The following ACOT11 variants were observed in gnomAD, a reference collection of about 807,000 sequenced individuals.
The protein encoded by ACOT11 is acyl-coenzyme A thioesterase 11.
A neutral mutation model predicts 77.5 loss-of-function variants in ACOT11; 69 were observed. The observed-to-expected ratio is 0.89, with a 90% CI of 0.73 to 1.09. ACOT11 has a LOEUF of 1.09. ACOT11 is among the 50% of genes least tolerant of loss of function. The pLI, the probability that ACOT11 is intolerant of heterozygous loss-of-function variation, is 0.00. For synonymous variants in ACOT11, 279 were observed against 313.0 expected (o/e 0.89, Z 1.15); for missense variants, 766 against 813.7 (o/e 0.94, Z 0.71).
intron 1 of ACOT11, among the ~76,000 whole-genome samples, chr1:54,577,635 G>A (rs1654162831): frequency 6.6e-6 from 1 of 152,108 alleles, no homozygotes; most frequent in Admixed American, 6.5e-5. Context: ...ACGTGTATGT[G>A]CATGTATTTG....
chr1:54,630,266 C>T (rs1367241038), intron 15 of ACOT11, among the ~76,000 whole-genome samples: 1 of 79,692 alleles, frequency 1.3e-5, no homozygotes, highest in East Asian at 4.5e-4. Context: ...GTAATCCCAG[C>T]ACTTTGGGAG....
chr1:54,581,825 CA>C (rs1277630319), intron 1 of ACOT11, among the ~76,000 whole-genome samples: 20 of 152,302 alleles, frequency 1.3e-4, no homozygotes, highest in African/African-American at 4.8e-4. Flanking sequence ...CCCCATTGGC[CA>C]AAACTTGCCT....
intron 3 of ACOT11, among the ~76,000 whole-genome samples, chr1:54,586,448 T>C (rs895232080): frequency 6.6e-6 from 1 of 151,674 alleles, no homozygotes; most frequent in Non-Finnish European, 1.5e-5. Context: ...TCTTTTTTTT[T>C]GGAGATGGAG....
At chr1:54,593,837 G>A (rs1654799779) in intron 4 of ACOT11, 104 bp from the exon 5 acceptor site, 2 of 943,952 alleles carry the variant, frequency 2.1e-6, no homozygotes, top group Non-Finnish European at 1.7e-6. Context: ...AAACTCTGGA[G>A]GCCTGGCCTG....
At chr1:54,614,954 G>GTGTGTT (rs1553165708), downstream of ACOT11, 2 of 1,199,264 alleles carry the variant, frequency 1.7e-6, no homozygotes, top group Non-Finnish European at 2.3e-6. Context: ...GTGTGTGTGT[G>GTGTGTT]CATGTGCGTG....
intron 1 of ACOT11, among the ~76,000 whole-genome samples, chr1:54,581,483 G>A (rs909278231): frequency 6.6e-6 from 1 of 152,106 alleles, no homozygotes; most frequent in African/African-American, 2.4e-5. Context: ...ATTGGGTGAG[G>A]GGGTCTCTCC....
intron 6 of ACOT11, among the ~76,000 whole-genome samples, chr1:54,595,929 C>G (rs1368873632): frequency 6.6e-6 from 1 of 152,224 alleles, no homozygotes; most frequent in Non-Finnish European, 1.5e-5. Context: ...GAGGAAGCCT[C>G]AAGCTATGCC....
In ACOT11 at chr1:54,563,846, A is replaced by G. The variant is rs536667662; in HGVS notation, c.33+15504A>G. Among the ~76,000 whole-genome samples, 122 of 152,284 alleles carry G rather than the reference A, an allele frequency of 8.0e-4. 1 individual carries two copies. The highest frequency in any genetic ancestry group is 2.9e-3 in the African/African-American group (120 of 41,560). The stretch of plus-strand genomic sequence containing the variant: ...AGGCTGAGGGAGCGGGGGGCGGATC[A>G]CTTAAGATCATTAGTTCAAGACCAG... On this transcript the variant is annotated intron_variant, in intron 1 of 15. Coordinates refer to ENST00000343744, the MANE Select transcript of ACOT11 (RefSeq NM_147161.4).
chr1:54,579,126 A>T (rs2100972113), intron 1 of ACOT11, among the ~76,000 whole-genome samples: 1 of 152,358 alleles, frequency 6.6e-6, no homozygotes, highest in East Asian at 1.9e-4. Context: ...GACAATCAGA[A>T]GCCTGAGGAA....
At chr1:54,624,746 T>C (rs1465060030) in intron 15 of ACOT11, among the ~76,000 whole-genome samples, 1 of 151,982 alleles carries the variant, frequency 6.6e-6, no homozygotes, top group Non-Finnish European at 1.5e-5. Context: ...ACAGTTTCCC[T>C]GGATCAGTGG....
At chr1:54,577,976 C>T (rs560514240) in intron 1 of ACOT11, among the ~76,000 whole-genome samples, 1 of 152,200 alleles carries the variant, frequency 6.6e-6, no homozygotes, top group African/African-American at 2.4e-5. Context: ...TCCTTAGGAT[C>T]CCTCTCGGGG....
At chr1:54,630,830 G>A (rs775162859) in exon 16 of ACOT11, 8 of 768,160 alleles carry the variant, frequency 1.0e-5, no homozygotes, top group East Asian at 7.3e-5. Flanking sequence ...CAGGAGCGAC[G>A]GTTGGAATGG....
chr1:54,628,593 G>C (rs1264639206), intron 15 of ACOT11, among the ~76,000 whole-genome samples: 21 of 70,322 alleles, frequency 3.0e-4, no homozygotes, highest in Admixed American at 1.0e-3. Context: ...AGACCCCATC[G>C]CCCCCCCCCC....
At chr1:54,612,375 G>T (rs1226174400), downstream of ACOT11, 2 of 743,062 alleles carry the variant, frequency 2.7e-6, no homozygotes, top group South Asian at 1.7e-5. Context: ...ATGAGCACTG[G>T]CAGGGGTTGG....
chr1:54,610,360 G>C, downstream of ACOT11: 1 of 1,593,912 alleles, frequency 6.3e-7, no homozygotes, highest in Non-Finnish European at 8.6e-7. Flanking sequence ...CCCAAGCAAA[G>C]GACACCCCTG....
chr1:54,570,258 C>T (rs1222240631), intron 1 of ACOT11, among the ~76,000 whole-genome samples: 4 of 152,234 alleles, frequency 2.6e-5, no homozygotes, highest in Non-Finnish European at 4.4e-5. Flanking sequence ...GTGCCACAGA[C>T]TCTGTCCTAT....
intron 9 of ACOT11, among the ~76,000 whole-genome samples, chr1:54,602,212 C>G (rs1431044126): frequency 6.6e-6 from 1 of 152,248 alleles, no homozygotes; most frequent in African/African-American, 2.4e-5. Flanking sequence ...GCCCTTACCC[C>G]TGTGGCCTTG....
At chr1:54,563,779 G>T (rs1052572292) in intron 1 of ACOT11, among the ~76,000 whole-genome samples, 1 of 152,092 alleles carries the variant, frequency 6.6e-6, no homozygotes, top group Non-Finnish European at 1.5e-5. Context: ...AAAAAATTGG[G>T]CTTGGTGCCG....
chr1:54,610,508 G>A, downstream of ACOT11: 1 of 1,613,576 alleles, frequency 6.2e-7, no homozygotes, highest in South Asian at 1.1e-5. Flanking sequence ...TGGAGAAGAG[G>A]GATCAGGCTG....
Sources: allele counts gnomAD v4.1 joint callset (sites outside exome capture counted in the v4.1 genomes callset), GRCh38; gene constraint gnomAD v4.1.1; transcripts MANE v1.5; gene names NCBI Gene and HGNC (gene_info 2026-07-23, HGNC 2026-07-21).